Variants in ACYP2 observed in about 807,000 individuals in gnomAD.
The protein encoded by ACYP2 is acylphosphatase-2.
In ACYP2, 12 loss-of-function variants were observed where a neutral mutation model predicts 11.2. The observed-to-expected ratio is 1.08, with a 90% CI of 0.69 to 1.74. ACYP2 has a LOEUF of 1.74. Among genes scored for constraint, ACYP2 ranks in the 40% most tolerant of loss-of-function variants. The pLI, the probability that ACYP2 is intolerant of heterozygous loss-of-function variation, is 0.00. For missense variants in ACYP2, 134 were observed against 101.9 expected (o/e 1.31, Z -1.35); for synonymous variants, 43 against 32.2 (o/e 1.33, Z -1.13).
chr2:54,129,072 T>G (rs1312368716), intron 4 of ACYP2, among the ~76,000 whole-genome samples: 2 of 152,190 alleles, frequency 1.3e-5, no homozygotes, highest in African/African-American at 4.8e-5. Context: ...TGTGTCTCCT[T>G]AAACCATAAT....
chr2:54,131,373 G>A (rs1464253821), intron 4 of ACYP2, among the ~76,000 whole-genome samples: 3 of 152,146 alleles, frequency 2.0e-5, no homozygotes, highest in East Asian at 1.9e-4. Context: ...ATGGTGGAAG[G>A]GCTGCTCGAG....
intron 4 of ACYP2, among the ~76,000 whole-genome samples, chr2:54,090,077 G>A (rs1182355446): frequency 6.6e-6 from 1 of 150,646 alleles, no homozygotes; most frequent in Non-Finnish European, 1.5e-5. Flanking sequence ...CCCAGGAGAT[G>A]CAGGTTACAA....
At chr2:54,147,083 A>G (rs980164946) in intron 6 of ACYP2, among the ~76,000 whole-genome samples, 1 of 152,164 alleles carries the variant, frequency 6.6e-6, no homozygotes, top group Non-Finnish European at 1.5e-5. Context: ...GGTGTGAGCC[A>G]CCGTGCCTGG....
Position 54,155,923 on chromosome 2 carries a change from A to T in ACYP2, c.404+17175A>T, listed in dbSNP as rs371208641. ...TTTCATAGCATTATTATCAGAGAAG[A>T]TACTTGAAATTATTTCACTTCTCTT... On this transcript the variant is annotated intron_variant, in intron 6 of 6. Coordinates refer to ENST00000607452, the MANE Select transcript of ACYP2 (RefSeq NM_001320586.2). 3.3e-5 allele frequency among the ~76,000 whole-genome samples: 5 copies of T among 152,324 alleles called. No individual in the cohort carries two copies. In the South Asian group the frequency reaches 1.0e-3, roughly 32 times the overall value.
intron 6 of ACYP2, among the ~76,000 whole-genome samples, chr2:54,304,468 T>C (rs1229192159): frequency 6.6e-6 from 1 of 152,142 alleles, no homozygotes; most frequent in African/African-American, 2.4e-5. Flanking sequence ...GAATTGACTG[T>C]GCTTAATTTA....
intron 6 of ACYP2, among the ~76,000 whole-genome samples, chr2:54,160,045 T>C (rs1326457367): frequency 6.6e-6 from 1 of 151,938 alleles, no homozygotes; most frequent in East Asian, 1.9e-4. Context: ...ATTCCCCACC[T>C]CCCCCTCAAG....
At chr2:54,260,952 A>G (rs2104043174) in intron 6 of ACYP2, among the ~76,000 whole-genome samples, 1 of 152,202 alleles carries the variant, frequency 6.6e-6, no homozygotes, top group Non-Finnish European at 1.5e-5. Flanking sequence ...GGTCCAAACC[A>G]TTGACAGGAG....
At chr2:53,980,572 G>A (rs1015547752) in intron 2 of ACYP2, among the ~76,000 whole-genome samples, 5 of 151,798 alleles carry the variant, frequency 3.3e-5, no homozygotes, top group African/African-American at 1.2e-4. Flanking sequence ...AAAAAATAAA[G>A]AAAATACCAT....
At chr2:54,282,264 TAAATA>T (rs1688882679) in intron 6 of ACYP2, among the ~76,000 whole-genome samples, 1 of 152,164 alleles carries the variant, frequency 6.6e-6, no homozygotes, top group African/African-American at 2.4e-5. Context: ...TTGGGGACTT[TAAATA>T]AAATAACTAA....
intron 6 of ACYP2, among the ~76,000 whole-genome samples, chr2:54,167,434 C>G (rs1243934574): frequency 6.6e-6 from 1 of 152,164 alleles, no homozygotes; most frequent in Non-Finnish European, 1.5e-5. Context: ...TACAAAAAAT[C>G]TCAAATCCAG....
intron 2 of ACYP2, among the ~76,000 whole-genome samples, chr2:54,006,549 A>G (rs1217139687): frequency 6.6e-6 from 1 of 152,162 alleles, no homozygotes; most frequent in Non-Finnish European, 1.5e-5. Context: ...TCGGCCCTCC[A>G]AAGTGCTGAG....
chr2:54,240,022 T>A (rs532811584), intron 6 of ACYP2, among the ~76,000 whole-genome samples: 7 of 152,220 alleles, frequency 4.6e-5, no homozygotes, highest in Non-Finnish European at 7.3e-5. Context: ...GAATTGTGAC[T>A]CCATGGTCCA....
At chr2:54,063,921 G>C (rs1676602621) in intron 4 of ACYP2, among the ~76,000 whole-genome samples, 1 of 152,220 alleles carries the variant, frequency 6.6e-6, no homozygotes, top group South Asian at 2.1e-4. Context: ...GGACAGTGTA[G>C]CTGGAGCGTA....
At chr2:54,190,927 T>C (rs1033764360) in intron 6 of ACYP2, among the ~76,000 whole-genome samples, 1 of 152,208 alleles carries the variant, frequency 6.6e-6, no homozygotes, top group Non-Finnish European at 1.5e-5. Context: ...TTTCTTATAG[T>C]TGCTCAAGTC....
chr2:54,202,272 C>A (rs1008827391), intron 6 of ACYP2, among the ~76,000 whole-genome samples: 1 of 148,618 alleles, frequency 6.7e-6, no homozygotes, highest in Non-Finnish European at 1.5e-5. Flanking sequence ...CCATGACCGG[C>A]TAATTTTTGT....
intron 2 of ACYP2, among the ~76,000 whole-genome samples, chr2:54,028,883 G>C (rs2104552397): frequency 6.6e-6 from 1 of 152,292 alleles, no homozygotes; most frequent in Admixed American, 6.5e-5. Context: ...ATCTTGCTCG[G>C]CACAGTGGTT....
At chr2:54,117,220 A>T (rs893783121) in intron 4 of ACYP2, among the ~76,000 whole-genome samples, 1 of 152,206 alleles carries the variant, frequency 6.6e-6, no homozygotes, top group Admixed American at 6.5e-5. Context: ...TTAGAACACT[A>T]GATGAAAATA....
intron 2 of ACYP2, chr2:54,030,013 G>C: frequency 4.2e-6 from 1 of 238,834 alleles, no homozygotes. Context: ...CCAATTCAAA[G>C]TGTTACAATT....
chr2:54,029,524 T>C, intron 2 of ACYP2: 1 of 396,148 alleles, frequency 2.5e-6, no homozygotes, highest in South Asian at 2.2e-5. Context: ...CAACTCAGGC[T>C]CCTTCCCATT....
Sources: allele counts gnomAD v4.1 joint callset (sites outside exome capture counted in the v4.1 genomes callset), GRCh38; gene constraint gnomAD v4.1.1; transcripts MANE v1.5; gene names NCBI Gene and HGNC (gene_info 2026-07-23, HGNC 2026-07-21).